The following SHLD1 variants were observed in gnomAD, a reference collection of about 807,000 sequenced individuals.
SHLD1 encodes shieldin complex subunit 1, also known as RINN1-REV7-interacting novel NHEJ regulator 3.
In SHLD1, 3 loss-of-function variants were observed where a neutral mutation model predicts 5.5. The ratio of observed to expected loss-of-function variants is 0.54; its 90% CI spans 0.25 to 1.40. SHLD1 has a LOEUF of 1.40. Among genes scored for constraint, SHLD1 ranks in the 40% most tolerant of loss-of-function variants. The pLI is 0.15. For synonymous variants in SHLD1, 92 were observed against 94.3 expected (o/e 0.98, Z 0.14); for missense variants, 210 against 244.4 (o/e 0.86, Z 0.94).
chr20:5,798,545 G>A (rs1484174446), intron 2 of SHLD1, among the ~76,000 whole-genome samples: 8 of 151,372 alleles, frequency 5.3e-5, no homozygotes, highest in Non-Finnish European at 2.9e-5. Flanking sequence ...CTTGTGATCC[G>A]CCCGCCTCGG....
At chr20:5,809,585 T>C (rs73073208) in intron 2 of SHLD1, among the ~76,000 whole-genome samples, 2,182 of 152,148 alleles carry the variant, frequency 0.014, 35 homozygotes, top group African/African-American at 0.024. Flanking sequence ...TTCTAACCAC[T>C]CTTACCCCAC....
intron 1 of SHLD1, among the ~76,000 whole-genome samples, chr20:5,763,326 A>G (rs1157942063): frequency 1.3e-5 from 2 of 151,012 alleles, no homozygotes; most frequent in Non-Finnish European, 2.9e-5. Context: ...CTGTGCCTGT[A>G]AGATAAGTAT....
chr20:5,791,727 C>T (rs1189113240), intron 2 of SHLD1, among the ~76,000 whole-genome samples: 1 of 152,004 alleles, frequency 6.6e-6, no homozygotes, highest in African/African-American at 2.4e-5. Flanking sequence ...AAAATATTTG[C>T]AAATCCCATA....
At chr20:5,752,621 T>TG (rs1383618724) in intron 1 of SHLD1, among the ~76,000 whole-genome samples, 1 of 150,490 alleles carries the variant, frequency 6.6e-6, no homozygotes, top group Non-Finnish European at 1.5e-5. Context: ...TGGGGTTTTT[T>TG]TTTTTTTTTT....
intron 2 of SHLD1, among the ~76,000 whole-genome samples, chr20:5,814,654 C>CTTTTTTTTT (rs148119460): frequency 5.8e-5 from 6 of 103,810 alleles, no homozygotes; most frequent in Admixed American, 1.1e-4. Flanking sequence ...TTTTCTTCTT[C>CTTTTTTTTT]TTTTTTTTTT....
At chr20:5,812,080 C>CTTTTTTTTTTTTT (rs1200570680) in intron 2 of SHLD1, among the ~76,000 whole-genome samples, 1 of 136,808 alleles carries the variant, frequency 7.3e-6, no homozygotes, top group Non-Finnish European at 1.6e-5. Context: ...TTTTTTTTTT[C>CTTTTTTTTTTTTT]TTTTTTTTTC....
rs891724033 is a variant in SHLD1 at position 5,864,289 on chromosome 20, T to C, written c.*826T>C. On this transcript the variant is annotated 3_prime_UTR_variant, in exon 3 of 3. Transcript: ENST00000303142. ...ACGTGAAAGGTGAGAAGGTAACAAA[T>C]GTGCACCACCCACCACAGTATATGT... 6.6e-6 allele frequency among the ~76,000 whole-genome samples: 1 copy of C among 152,232 alleles called. No individual in the cohort carries two copies. The highest frequency in any genetic ancestry group is 1.5e-5 in the Non-Finnish European group (1 of 68,040).
Position 5,855,865 on chromosome 20 carries a change from G to A in SHLD1, c.179-7159G>A, listed in dbSNP as rs1359454596. Among the ~76,000 whole-genome samples the A allele has an allele frequency of 1.3e-5, 2 of 152,084 alleles. No individual in the cohort carries two copies. The highest frequency in any genetic ancestry group is 2.9e-5 in the Non-Finnish European group (2 of 68,026). On this transcript the variant is annotated intron_variant, in intron 2 of 2. Transcript: ENST00000303142. The surrounding 1 kb of genome is among the most constrained non-coding windows in gnomAD (Gnocchi z 4.4). ...TTCATCCTCATCCTTTTGAAATCAG[G>A]CTTGGCCATATGACTTCACGTTAGC...
intron 2 of SHLD1, among the ~76,000 whole-genome samples, chr20:5,795,979 G>C (rs1306912011): frequency 6.6e-6 from 1 of 151,036 alleles, no homozygotes; most frequent in Non-Finnish European, 1.5e-5. Context: ...GCAACAGAGC[G>C]AGACTCTGTC....
intron 2 of SHLD1, among the ~76,000 whole-genome samples, chr20:5,851,532 G>A (rs115118052): frequency 0.014 from 2,053 of 149,882 alleles, 38 homozygotes; most frequent in African/African-American, 0.047. Flanking sequence ...TACACCAGCC[G>A]TTGTCCAATA....
At chr20:5,793,134 C>T (rs1396400501) in intron 2 of SHLD1, among the ~76,000 whole-genome samples, 1 of 151,978 alleles carries the variant, frequency 6.6e-6, no homozygotes, top group South Asian at 2.1e-4. Flanking sequence ...TCCATTGGTC[C>T]GTATGTCTGT....
intron 1 of SHLD1, among the ~76,000 whole-genome samples, chr20:5,763,937 C>T (rs1286638580): frequency 7.7e-5 from 10 of 130,214 alleles, no homozygotes; most frequent in African/African-American, 1.5e-4. Context: ...GGTGAAACCC[C>T]GTCTTTACTA....
intron 2 of SHLD1, among the ~76,000 whole-genome samples, chr20:5,824,067 T>C (rs138763849): frequency 6.6e-6 from 1 of 152,302 alleles, no homozygotes; most frequent in Non-Finnish European, 1.5e-5. Flanking sequence ...TAGGACACAA[T>C]CCAAGCTGCT....
At chr20:5,830,853 G>A (rs922784444) in intron 2 of SHLD1, among the ~76,000 whole-genome samples, 2 of 151,980 alleles carry the variant, frequency 1.3e-5, no homozygotes, top group African/African-American at 2.4e-5. Flanking sequence ...AAAGTTAATA[G>A]AGCTTATGAT....
At chr20:5,761,585 G>A (rs927240533) in intron 1 of SHLD1, among the ~76,000 whole-genome samples, 1 of 149,232 alleles carries the variant, frequency 6.7e-6, no homozygotes, top group African/African-American at 2.5e-5. Flanking sequence ...CAGATACTGT[G>A]CTAAATATTT....
At chr20:5,799,971 A>G in intron 2 of SHLD1, among the ~76,000 whole-genome samples, 1 of 151,390 alleles carries the variant, frequency 6.6e-6, no homozygotes, top group Non-Finnish European at 1.5e-5. Context: ...TCTGTAAGAA[A>G]GGGTTTAAGG....
intron 2 of SHLD1, among the ~76,000 whole-genome samples, chr20:5,778,179 C>T (rs1350917756): frequency 3.4e-5 from 5 of 145,548 alleles, no homozygotes; most frequent in African/African-American, 5.1e-5. Flanking sequence ...TGCAGTGGCG[C>T]GATCTCGGCT....
intron 1 of SHLD1, among the ~76,000 whole-genome samples, chr20:5,752,300 A>T (rs1288419076): frequency 6.6e-6 from 1 of 152,010 alleles, no homozygotes; most frequent in Non-Finnish European, 1.5e-5. Context: ...GAAGGCTGAG[A>T]CACAAGAATT....
At chr20:5,756,667 T>G (rs191522216) in intron 1 of SHLD1, 25 of 177,564 alleles carry the variant, frequency 1.4e-4, no homozygotes, top group Admixed American at 3.9e-4. Flanking sequence ...TTCCTTAGGA[T>G]TTTCATTTTC....
Sources: gnomAD v4.1 joint callset for allele counts (sites outside exome capture counted in the v4.1 genomes callset) on GRCh38, gnomAD v4.1.1 for gene constraint, Gnocchi (gnomAD v3.1) non-coding constraint, MANE v1.5 for transcripts, NCBI Gene and HGNC (gene_info 2026-07-23, HGNC 2026-07-21) for gene names.